The following FAM171B variants were observed in gnomAD, a reference collection of about 807,000 sequenced individuals.
The protein encoded by FAM171B is family with sequence similarity 171 member B.
Under a neutral mutation model 75.6 loss-of-function variants are expected in FAM171B, and 19 were observed. The ratio of observed to expected loss-of-function variants is 0.25; its 90% CI spans 0.18 to 0.37. FAM171B has a LOEUF of 0.37. Among genes scored for constraint, FAM171B ranks in the 10% least tolerant of loss-of-function variants. The probability of loss-of-function intolerance (pLI) is 1.00; values close to 1 mark genes in which losing one functional copy is unlikely to be tolerated. For synonymous variants in FAM171B, 367 were observed against 361.7 expected (o/e 1.01, Z -0.17); for missense variants, 848 against 982.4 (o/e 0.86, Z 1.83).
At chr2:186,740,644 T>C (rs1310280993) in intron 2 of FAM171B, among the ~76,000 whole-genome samples, 183 bp downstream of exon 2, 1 of 152,178 alleles carries the variant, frequency 6.6e-6, no homozygotes, top group African/African-American at 2.4e-5. Flanking sequence ...GCTGCTATAA[T>C]GAAATACCCT....
intron 6 of FAM171B, among the ~76,000 whole-genome samples, chr2:186,759,144 G>A (rs568580538): frequency 6.6e-6 from 1 of 152,112 alleles, no homozygotes; most frequent in African/African-American, 2.4e-5. Context: ...CTTTTTTATG[G>A]TTGAATAGTA....
At chr2:186,707,377 C>T (rs533307793) in intron 1 of FAM171B, among the ~76,000 whole-genome samples, 109 of 152,282 alleles carry the variant, frequency 7.2e-4, no homozygotes, top group African/African-American at 2.6e-3. Flanking sequence ...TTTTCCCCAT[C>T]TTTACTGCCT....
intron 1 of FAM171B, among the ~76,000 whole-genome samples, chr2:186,736,500 A>C (rs569255779): frequency 1.3e-4 from 19 of 150,248 alleles, no homozygotes; most frequent in Admixed American, 4.0e-4. Context: ...TATGGTTAAA[A>C]TTTTTATAAG....
rs56669143 is a variant in FAM171B, at chr2:186,694,322, A to AGC, written c.149_150insGC (p.Gln51HisfsTer27). 1.2e-4 allele frequency: 192 copies of AGC among 1,558,912 alleles called. No homozygotes were observed. Among genetic ancestry groups the AGC allele is most frequent in the Non-Finnish European group, 1.5e-4 (168 of 1,131,188 alleles). On this transcript the variant is annotated frameshift_variant, in exon 1 of 8. Transcript: ENST00000304698. LOFTEE classifies it high-confidence loss of function. ...ATCCAACAGCAGCAGCAGCAGCAGCAACAACAACAACAACAGCAAAAGCAG... is the reference window on the plus strand; with the variant it reads ...ATCCAACAGCAGCAGCAGCAGCAGCAGCACAACAACAACAACAGCAAAAGCAG...
At chr2:186,756,831 C>T (rs1290706218) in intron 6 of FAM171B, among the ~76,000 whole-genome samples, 2 of 152,100 alleles carry the variant, frequency 1.3e-5, no homozygotes, top group African/African-American at 4.8e-5. Flanking sequence ...GCACAATTCT[C>T]TCCTCAGGTT....
In FAM171B at chr2:186,762,581, G is replaced by A; in HGVS notation, c.2239G>A (p.Glu747Lys). ...AGAAGATTTAGACCTAAGCAGCAGT[G>A]AGAGTGGAACCACCGTCTGTTCCCC... ...YLEDLDLSSS[E>K]SGTTVCSPED... The change falls in exon 8 of 8, where the codon GAG (glutamate) becomes AAG (lysine). Residue 747 changes from glutamate (E) to lysine (K), a missense_variant. Glu to Lys is a moderately conservative substitution (Grantham distance 56). Around this residue, in one of 3 missense-constraint regions of FAM171B, gnomAD observed 136 missense variants for 159.3 expected, o/e 0.85. Coordinates refer to ENST00000304698, the MANE Select transcript of FAM171B (RefSeq NM_177454.4). The surrounding 1 kb of genome is among the most constrained non-coding windows in gnomAD (Gnocchi z 4.0). 6.2e-7 allele frequency: 1 copy of A among 1,613,522 alleles called. No homozygotes were observed. Among genetic ancestry groups the A allele is most frequent in the Non-Finnish European group, 8.5e-7 (1 of 1,179,696 alleles).
intron 1 of FAM171B, among the ~76,000 whole-genome samples, chr2:186,698,737 C>T (rs1392162082): frequency 6.6e-6 from 1 of 152,024 alleles, no homozygotes; most frequent in Non-Finnish European, 1.5e-5. Context: ...TTCGTTCTAC[C>T]TGACTATATT....
intron 4 of FAM171B, 51 bp downstream of exon 4, chr2:186,747,301 A>G: frequency 1.6e-6 from 2 of 1,272,106 alleles, no homozygotes; most frequent in Non-Finnish European, 2.1e-6. Context: ...TAGTACACAA[A>G]TCTTTCATCA....
At chr2:186,753,311 G>A (rs1690483727) in intron 5 of FAM171B, among the ~76,000 whole-genome samples, 1 of 152,056 alleles carries the variant, frequency 6.6e-6, no homozygotes, top group Non-Finnish European at 1.5e-5. Context: ...ACCACGCCTG[G>A]CTAATTTTTG....
chr2:186,708,819 C>A (rs1181263720), intron 1 of FAM171B, among the ~76,000 whole-genome samples: 1 of 152,064 alleles, frequency 6.6e-6, no homozygotes, highest in African/African-American at 2.4e-5. Flanking sequence ...CCCAGCAATA[C>A]GTTGTCTAAA....
chr2:186,757,073 T>C (rs1690543345), intron 6 of FAM171B, among the ~76,000 whole-genome samples: 1 of 152,086 alleles, frequency 6.6e-6, no homozygotes, highest in Non-Finnish European at 1.5e-5. Flanking sequence ...TGAGGAATGT[T>C]GATGGAGGCT....
Position 186,694,164 on chromosome 2 carries a change from G to A in FAM171B, c.-10G>A. 6.3e-7 allele frequency: 1 copy of A among 1,586,484 alleles called. No individual in the cohort carries two copies. Among genetic ancestry groups the A allele is most frequent in the Non-Finnish European group, 8.5e-7 (1 of 1,172,582 alleles). On this transcript the variant is annotated 5_prime_UTR_variant, in exon 1 of 8. Coordinates refer to ENST00000304698, the MANE Select transcript of FAM171B (RefSeq NM_177454.4). ...CGCAATATGCCGCCGCGGCCCTCTGGCTCTAGGCCATGGCGAGGCTCTGCC... is the reference window on the plus strand; with the variant it reads ...CGCAATATGCCGCCGCGGCCCTCTGACTCTAGGCCATGGCGAGGCTCTGCC...
At position 186,764,847 on chromosome 2, in the gene FAM171B, A is replaced by C. The variant is rs889266308; in HGVS notation, c.*2024A>C. The C allele has an allele frequency of 2.6e-5, 4 of 151,976 alleles. No individual in the cohort carries two copies. The highest frequency in any genetic ancestry group is 1.3e-4 in the Admixed American group (2 of 15,220). 9.4% of individuals were successfully genotyped at this position (151,976 alleles called of 1,614,324 possible). A position where few individuals can be genotyped will look rare whatever the true frequency, so the allele number is the denominator to read the frequency against. ...GTTAGAAACTATATAGCAAAACATTATATTTTAAGTGTTTATTTTTCCCAC... is the reference window on the plus strand; with the variant it reads ...GTTAGAAACTATATAGCAAAACATTCTATTTTAAGTGTTTATTTTTCCCAC... On this transcript the variant is annotated 3_prime_UTR_variant, in exon 8 of 8. Transcript: ENST00000304698.
intron 3 of FAM171B, among the ~76,000 whole-genome samples, chr2:186,746,085 A>G (rs1690361074): frequency 6.6e-6 from 1 of 152,240 alleles, no homozygotes; most frequent in African/African-American, 2.4e-5. Context: ...CAGTGACCTT[A>G]CTAAAGTTCA....
intron 1 of FAM171B, among the ~76,000 whole-genome samples, chr2:186,706,258 A>C (rs964181276): frequency 1.3e-5 from 2 of 152,212 alleles, no homozygotes; most frequent in Non-Finnish European, 2.9e-5. Flanking sequence ...TTTGGGGTCA[A>C]AATAGTAATT....
At chr2:186,709,348 C>A (rs1336879246) in intron 1 of FAM171B, among the ~76,000 whole-genome samples, 1 of 152,032 alleles carries the variant, frequency 6.6e-6, no homozygotes, top group African/African-American at 2.4e-5. Context: ...CTTATCATTC[C>A]CTATTAGAAA....
chr2:186,731,249 A>G (rs747924446), intron 1 of FAM171B, among the ~76,000 whole-genome samples: 45 of 152,322 alleles, frequency 3.0e-4, no homozygotes, highest in Middle Eastern at 6.8e-3. Context: ...AACTCTGGCT[A>G]CAAGAAATGA....
chr2:186,751,307 A>G lies in FAM171B; in HGVS notation c.895+3A>G, dbSNP rs923163279. On this transcript the variant is annotated splice_donor_region_variant and intron_variant, in intron 5 of 7. Transcript: ENST00000304698. ...TTGGACATTTGATATGAACACAGGTATGTGAGCTAGGTTAAAATAGTCTGA... is the reference window on the plus strand; with the variant it reads ...TTGGACATTTGATATGAACACAGGTGTGTGAGCTAGGTTAAAATAGTCTGA... The G allele has an allele frequency of 6.4e-7, 1 of 1,552,836 alleles. No homozygotes were observed. The highest frequency in any genetic ancestry group is 8.7e-7 in the Non-Finnish European group (1 of 1,143,118).
rs781296964 is a variant in FAM171B at position 186,727,110 on chromosome 2, C to T, written c.239-13118C>T. Among the ~76,000 whole-genome samples the T allele has an allele frequency of 1.3e-5, 2 of 152,016 alleles. 1 individual carries two copies. Among genetic ancestry groups the T allele is most frequent in the Admixed American group, 1.3e-4 (2 of 15,270 alleles). ...TTTAGTAAGTATCCACATGCTAACT[C>T]TTATTTAGCTCAAGCTTTAGCATGA... is the stretch of plus-strand genomic sequence containing the variant. On this transcript the variant is annotated intron_variant, in intron 1 of 7. Transcript: ENST00000304698.
Sources: allele counts gnomAD v4.1 joint callset (sites outside exome capture counted in the v4.1 genomes callset), GRCh38; gene constraint gnomAD v4.1.1; regional missense constraint gnomAD v4.1.1; non-coding constraint Gnocchi (gnomAD v3.1); transcripts MANE v1.5; gene names NCBI Gene and HGNC (gene_info 2026-07-23, HGNC 2026-07-21).